The following LRRK1 variants were observed in gnomAD, a reference collection of about 807,000 sequenced individuals.
LRRK1 encodes the protein leucine-rich repeat serine/threonine-protein kinase 1.
In LRRK1, 113 loss-of-function variants were observed where a neutral mutation model predicts 209.1. The observed-to-expected ratio is 0.54, with a 90% CI of 0.46 to 0.63. LRRK1 has a LOEUF of 0.63. Ranked by LOEUF, LRRK1 falls within the 30% of genes least tolerant of loss-of-function variation. The probability of loss-of-function intolerance (pLI) is 0.00; values close to 1 mark genes in which losing one functional copy is unlikely to be tolerated. For synonymous variants in LRRK1, 1,144 were observed against 1,099.7 expected, an observed-to-expected ratio of 1.04 and a Z score of -0.80; for missense variants, 2,284 against 2,632.2, an observed-to-expected ratio of 0.87 and a Z score of 2.89.
At position 100,924,560 on chromosome 15, in the gene LRRK1, C is replaced by T. The variant is rs999371537; in HGVS notation, c.-73C>T. The T allele has an allele frequency of 3.7e-6, 5 of 1,350,014 alleles. No homozygotes were observed. Among genetic ancestry groups the T allele is most frequent in the African/African-American group, 1.4e-5 (1 of 69,592 alleles). The allele number at this position is 1,350,014 out of a possible 1,614,324, so 83.6% of individuals were successfully genotyped here. ...ATGGCTACGAGTCCACGCCTTAATG[C>T]ACCCCACAGCCAGCGGCAGTGGCAG... On this transcript the variant is annotated 5_prime_UTR_variant, in exon 2 of 34. Transcript: ENST00000388948.
At chr15:100,955,649 A>G (rs993427942) in intron 2 of LRRK1, among the ~76,000 whole-genome samples, 1 of 152,202 alleles carries the variant, frequency 6.6e-6, no homozygotes, top group Non-Finnish European at 1.5e-5. Flanking sequence ...TTATGATATT[A>G]AAGTACATTC....
chr15:101,051,938 T>C lies in LRRK1; in HGVS notation c.3667T>C (p.Phe1223Leu). The C allele has an allele frequency of 6.2e-7, 1 of 1,613,560 alleles. No individual in the cohort carries two copies. The highest frequency in any genetic ancestry group is 1.3e-5 in the African/African-American group (1 of 75,042). ...VPLQELVPELFMTDFPARLFL... is the reference protein window; with the variant it reads ...VPLQELVPELLMTDFPARLFL... ...GCTGCAGGAGCTGGTCCCTGAACTG[T>C]TCATGACCGACTTCCCGGCCAGGTA... The change falls in exon 24 of 34, where the codon TTC becomes CTC. Residue 1223 changes from phenylalanine to leucine, a missense_variant. Phe to Leu is a conservative substitution (Grantham distance 22). Transcript: ENST00000388948.
At chr15:100,951,678 A>T (rs1377186657) in intron 2 of LRRK1, among the ~76,000 whole-genome samples, 1 of 152,174 alleles carries the variant, frequency 6.6e-6, no homozygotes, top group Non-Finnish European at 1.5e-5. Flanking sequence ...AAGGCCGGGC[A>T]TAGTGGCTCA....
intron 2 of LRRK1, among the ~76,000 whole-genome samples, chr15:100,969,327 A>G (rs1210312926): frequency 2.0e-5 from 3 of 152,162 alleles, no homozygotes; most frequent in African/African-American, 7.2e-5. Flanking sequence ...CTAATTTAGC[A>G]ATTTTTCCTT....
chr15:100,982,403 G>A lies in LRRK1; in HGVS notation c.262-1125G>A, dbSNP rs146749355. Among the ~76,000 whole-genome samples the A allele has an allele frequency of 7.8e-3, 1,193 of 152,304 alleles. 16 individuals carry two copies. Among genetic ancestry groups the A allele is most frequent in the African/African-American group, 0.028 (1,144 of 41,552 alleles). On this transcript the variant is annotated intron_variant, in intron 3 of 33. Coordinates refer to ENST00000388948, the MANE Select transcript of LRRK1 (RefSeq NM_024652.6). ...CCCAGAGAGCTCGTGATAAGTCAAG[G>A]CCACTTTTACACTGGTCAATGATAG...
At position 101,074,982 on chromosome 15, in the gene LRRK1, C is replaced by G. The variant is rs1381525811; in HGVS notation, c.*6134C>G. Reference sequence around the variant, plus strand: ...CCCAAGGCTCTCTGACTGACTCCTTCCCAGATCTTCTTGGCTTAGCGGCTG... The same window carrying G: ...CCCAAGGCTCTCTGACTGACTCCTTGCCAGATCTTCTTGGCTTAGCGGCTG... On this transcript the variant is annotated 3_prime_UTR_variant, in exon 34 of 34. Transcript: ENST00000388948. The G allele has an allele frequency of 6.9e-6, 1 of 145,362 alleles. No homozygotes were observed. The highest frequency in any genetic ancestry group is 2.6e-5 in the African/African-American group (1 of 37,870). 9.0% of individuals were successfully genotyped at this position (145,362 alleles called of 1,614,324 possible). A position where few individuals can be genotyped will look rare whatever the true frequency, so the allele number is the denominator to read the frequency against.
chr15:100,981,916 G>A (rs774321430), intron 3 of LRRK1, among the ~76,000 whole-genome samples: 9 of 152,228 alleles, frequency 5.9e-5, no homozygotes, highest in Non-Finnish European at 1.3e-4. Flanking sequence ...CAAGTCAAAT[G>A]TGCTTGTCGG....
chr15:100,941,462 C>CTGTGTGTG lies in LRRK1; in HGVS notation c.97+16734_97+16735insGTGTGTGT, dbSNP rs1293984855. On this transcript the variant is annotated intron_variant, in intron 2 of 33. Coordinates refer to ENST00000388948, the MANE Select transcript of LRRK1 (RefSeq NM_024652.6). ...TGTGTGTGTCTGTGTGTGTCTATGT[C>CTGTGTGTG]TCTGTGTGTGTGTGTGTGTGTGTGT... is the stretch of plus-strand genomic sequence containing the variant. Among the ~76,000 whole-genome samples the CTGTGTGTG allele has an allele frequency of 2.5e-3, 41 of 16,466 alleles. 2 individuals carry two copies. The highest frequency in any genetic ancestry group is 4.0e-3 in the African/African-American group (34 of 8,396). 10.8% of individuals were successfully genotyped at this position (16,466 alleles called of 152,430 possible).
rs533056792 is a variant in LRRK1, at chr15:100,974,095, G to A, written c.261+128G>A. On this transcript the variant is annotated intron_variant, in intron 3 of 33. Transcript: ENST00000388948. ...TTTTACTGTGTTCTGGAAACGCCTC[G>A]CTTTGCGTATAAACTTGTGGGCGCC... 809 of 767,210 alleles carry A rather than the reference G, an allele frequency of 1.1e-3. 1 individual carries two copies. Among genetic ancestry groups the A allele is most frequent in the Non-Finnish European group, 1.3e-3 (732 of 564,020 alleles). The allele number at this position is 767,210 out of a possible 1,614,324, so 47.5% of individuals were successfully genotyped here.
In LRRK1 at chr15:100,963,932, C is replaced by G. The variant is rs959124674; in HGVS notation, c.98-9872C>G. ...ATTTTTATTACTAAAGCAAATAGCA[C>G]TTTTCCATGCAATTTTCCCCCAGGA... On this transcript the variant is annotated intron_variant, in intron 2 of 33. Transcript: ENST00000388948. Among the ~76,000 whole-genome samples the G allele has an allele frequency of 2.0e-5, 3 of 152,178 alleles. No individual in the cohort carries two copies. In the South Asian group the frequency reaches 6.2e-4, roughly 31 times the overall value.
chr15:101,021,979 C>T (rs2141709907), intron 14 of LRRK1, 22 bp downstream of exon 14: 2 of 1,523,474 alleles, frequency 1.3e-6, no homozygotes, highest in Non-Finnish European at 1.8e-6. Flanking sequence ...GCAGCCCTGT[C>T]CCCTGCCATC....
intron 29 of LRRK1, among the ~76,000 whole-genome samples, chr15:101,059,555 C>T (rs2036031877): frequency 6.8e-6 from 1 of 147,016 alleles, no homozygotes; most frequent in African/African-American, 2.4e-5. Flanking sequence ...TAAGATGCTG[C>T]TTGTGGTTGT....
At chr15:100,932,178 G>A (rs2042224768) in intron 2 of LRRK1, among the ~76,000 whole-genome samples, 1 of 152,130 alleles carries the variant, frequency 6.6e-6, no homozygotes. Context: ...TAGAGATGGT[G>A]TTTCACCATG....
intron 31 of LRRK1, 33 bp from the exon 32 acceptor site, chr15:101,065,319 A>T: frequency 1.3e-6 from 2 of 1,598,192 alleles, no homozygotes; most frequent in Non-Finnish European, 1.7e-6. Flanking sequence ...GTGAAATGGA[A>T]GGATGTGACA....
At chr15:100,991,908 G>A (rs2141673167) in intron 6 of LRRK1, among the ~76,000 whole-genome samples, 1 of 152,206 alleles carries the variant, frequency 6.6e-6, no homozygotes, top group East Asian at 1.9e-4. Flanking sequence ...TTTTTATTAG[G>A]AAACATTACT....
At position 101,027,224 on chromosome 15, in the gene LRRK1, G is replaced by A. The variant is rs2034071537; in HGVS notation, c.2406-37G>A. 7 of 1,610,438 alleles carry A rather than the reference G, an allele frequency of 4.3e-6. No individual in the cohort carries two copies. In the East Asian group the frequency reaches 1.6e-4, roughly 36 times the overall value. ...GAAGCAGCAGCGCTTCCTCGGAGTGGGGCATGATGAGTAAAGACGGGTCTT... is the reference window on the plus strand; with the variant it reads ...GAAGCAGCAGCGCTTCCTCGGAGTGAGGCATGATGAGTAAAGACGGGTCTT... On this transcript the variant is annotated intron_variant, in intron 17 of 33. Transcript: ENST00000388948. The surrounding 1 kb of genome is among the most constrained non-coding windows in gnomAD (Gnocchi z 5.1).
At chr15:100,942,337 A>G (rs1243422158) in intron 2 of LRRK1, among the ~76,000 whole-genome samples, 1 of 152,222 alleles carries the variant, frequency 6.6e-6, no homozygotes, top group African/African-American at 2.4e-5. Context: ...AGACCCTCAA[A>G]AAAAATGGCC....
At position 101,027,644 on chromosome 15, in the gene LRRK1, A is replaced by G. The variant is rs759150062; in HGVS notation, c.2533A>G (p.Arg845Gly). The G allele has an allele frequency of 2.0e-5, 32 of 1,611,998 alleles. No individual in the cohort carries two copies. Among genetic ancestry groups the G allele is most frequent in the Middle Eastern group, 3.4e-4 (2 of 5,816 alleles). Reference sequence around the variant, plus strand: ...TCGCCCAACTGTCCCCCAGATCCCCAGGAGCTACCTGAGCCTGCAGGAGGC... The same window carrying G: ...TCGCCCAACTGTCCCCCAGATCCCCGGGAGCTACCTGAGCCTGCAGGAGGC... ...CQRLAGRLIP[R>G]SYLSLQEAVL... The change falls in exon 19 of 34, where the codon AGG (arginine) becomes GGG (glycine). Residue 845 changes from arginine (R) to glycine (G), a missense_variant. Arg to Gly is a moderately radical substitution (Grantham distance 125). Coordinates refer to ENST00000388948, the MANE Select transcript of LRRK1 (RefSeq NM_024652.6). The surrounding 1 kb of genome is among the most constrained non-coding windows in gnomAD (Gnocchi z 5.1).
intron 2 of LRRK1, among the ~76,000 whole-genome samples, chr15:100,956,546 G>C (rs1010853045): frequency 6.8e-6 from 1 of 145,994 alleles, no homozygotes; most frequent in Non-Finnish European, 1.5e-5. Flanking sequence ...GCTCACTGCA[G>C]CCTCCACCTC....
Sources: allele counts gnomAD v4.1 joint callset (sites outside exome capture counted in the v4.1 genomes callset), GRCh38; gene constraint gnomAD v4.1.1; non-coding constraint Gnocchi (gnomAD v3.1); transcripts MANE v1.5; gene names NCBI Gene and HGNC (gene_info 2026-07-23, HGNC 2026-07-21).